The following CPB2 variants were observed in gnomAD, a reference collection of about 807,000 sequenced individuals.
The protein encoded by CPB2 is carboxypeptidase B2, also known as carboxypeptidase B-like protein.
CPB2 carries 54 observed loss-of-function variants against 57.0 expected under a neutral mutation model. The ratio of observed to expected loss-of-function variants is 0.95; its 90% CI spans 0.76 to 1.19. The LOEUF (loss-of-function observed/expected upper bound fraction) is 1.19, where lower values mean the gene tolerates loss of function less well. CPB2 is among the 50% of genes most tolerant of loss of function. CPB2 has a pLI of 0.00. For synonymous variants in CPB2, 189 were observed against 178.1 expected (o/e 1.06, Z -0.49); for missense variants, 426 against 512.0 (o/e 0.83, Z 1.62).
intron 7 of CPB2, among the ~76,000 whole-genome samples, chr13:46,066,565 C>T (rs1025286916): frequency 3.3e-5 from 5 of 152,122 alleles, no homozygotes; most frequent in Admixed American, 1.3e-4. Flanking sequence ...AGTTAGGAGG[C>T]CGGGCGAGGT....
intron 1 of CPB2, among the ~76,000 whole-genome samples, chr13:46,088,573 A>C (rs973521194): frequency 1.3e-5 from 2 of 152,230 alleles, no homozygotes; most frequent in Non-Finnish European, 2.9e-5. Flanking sequence ...TTCATAGGAT[A>C]GTGTCATATC....
At chr13:46,055,961 A>C in intron 9 of CPB2, 112 bp from the exon 10 acceptor site, 1 of 535,196 alleles carries the variant, frequency 1.9e-6, no homozygotes, top group Non-Finnish European at 3.2e-6. Flanking sequence ...ACAGGTAGAA[A>C]ATCTAGATTC....
At chr13:46,054,117 C>T (rs1478650124) in intron 10 of CPB2, among the ~76,000 whole-genome samples, 2 of 152,152 alleles carry the variant, frequency 1.3e-5, no homozygotes, top group South Asian at 2.1e-4. Context: ...TGCCCATTTC[C>T]CCTTCCCATA....
intron 6 of CPB2, 25 bp downstream of exon 6, chr13:46,073,848 G>A: frequency 1.4e-6 from 2 of 1,446,998 alleles, no homozygotes. Flanking sequence ...TTGAGAAATA[G>A]GGTTAAGAGA....
intron 1 of CPB2, among the ~76,000 whole-genome samples, chr13:46,103,064 ACTT>A (rs1384716524): frequency 6.6e-6 from 1 of 152,274 alleles, no homozygotes; most frequent in East Asian, 1.9e-4. Context: ...ATTGTTGGCT[ACTT>A]CTTCTATTTG....
chr13:46,091,406 A>C (rs2045290859), intron 1 of CPB2, among the ~76,000 whole-genome samples: 1 of 152,194 alleles, frequency 6.6e-6, no homozygotes, highest in Non-Finnish European at 1.5e-5. Flanking sequence ...TACAACATTG[A>C]ATAGAAGTGG....
At chr13:46,091,575 G>A (rs570314276) in intron 1 of CPB2, among the ~76,000 whole-genome samples, 11 of 152,278 alleles carry the variant, frequency 7.2e-5, no homozygotes, top group Admixed American at 7.2e-4. Flanking sequence ...GATTTTAAAT[G>A]CTTTCTATAA....
intron 5 of CPB2, among the ~76,000 whole-genome samples, chr13:46,074,434 T>A (rs953627048): frequency 1.1e-4 from 16 of 150,208 alleles, no homozygotes; most frequent in Non-Finnish European, 1.8e-4. Context: ...ATTTTTTTTT[T>A]ATGTGGATTA....
At chr13:46,091,336 A>G (rs1246137495) in intron 1 of CPB2, among the ~76,000 whole-genome samples, 1 of 152,156 alleles carries the variant, frequency 6.6e-6, no homozygotes, top group Non-Finnish European at 1.5e-5. Context: ...TTTAATTTCA[A>G]TGCTTATAGA....
intron 1 of CPB2, among the ~76,000 whole-genome samples, chr13:46,101,519 C>T (rs1039595380): frequency 4.6e-5 from 7 of 152,080 alleles, no homozygotes; most frequent in Non-Finnish European, 4.4e-5. Context: ...ACTTTCCATG[C>T]GAGAGCAGTG....
At chr13:46,102,552 A>AAC (rs1555312029) in intron 1 of CPB2, among the ~76,000 whole-genome samples, 3 of 148,802 alleles carry the variant, frequency 2.0e-5, no homozygotes, top group South Asian at 2.1e-4. Flanking sequence ...AAAAAAAAAA[A>AAC]AAAAACAAAG....
intron 5 of CPB2, among the ~76,000 whole-genome samples, chr13:46,078,402 T>C (rs887246636): frequency 1.3e-5 from 2 of 152,166 alleles, no homozygotes; most frequent in African/African-American, 4.8e-5. Flanking sequence ...TTTATGGAAA[T>C]GTTAAATGGC....
intron 1 of CPB2, among the ~76,000 whole-genome samples, chr13:46,102,940 C>T (rs1055747378): frequency 6.6e-6 from 1 of 152,076 alleles, no homozygotes; most frequent in Non-Finnish European, 1.5e-5. Context: ...GTCACATTCT[C>T]ATTCCTTTTT....
At chr13:46,095,876 CTTTTTTT>C (rs34686626) in intron 1 of CPB2, among the ~76,000 whole-genome samples, 6 of 85,746 alleles carry the variant, frequency 7.0e-5, no homozygotes, top group African/African-American at 3.0e-4. Context: ...GGCTATAGGA[CTTTTTTT>C]TTTTTTTTTT....
rs2045062904 is a variant in CPB2, at chr13:46,078,821, CT to C, written c.464del (p.Lys155SerfsTer7). ...ATACCTTTAAAACATAGAGTGGGTA[CT>C]TCTCAAATGAGGATCCAATGTGGAT... ...TKIHIGSSFE[K>X]YPLYVLKVSG... On this transcript the variant is annotated frameshift_variant, in exon 5 of 11. Coordinates refer to ENST00000181383, the MANE Select transcript of CPB2 (RefSeq NM_001872.5). LOFTEE classifies it high-confidence loss of function. The C allele has an allele frequency of 6.2e-7, 1 of 1,608,656 alleles. No homozygotes were observed. The highest frequency in any genetic ancestry group is 1.7e-5 in the Admixed American group (1 of 59,998).
chr13:46,088,783 T>C (rs2045247787), intron 1 of CPB2, among the ~76,000 whole-genome samples: 1 of 152,224 alleles, frequency 6.6e-6, no homozygotes. Context: ...TATTTGATTA[T>C]CGGCCATTCA....
intron 1 of CPB2, among the ~76,000 whole-genome samples, chr13:46,092,102 A>ATATCTATTTTAAATTATTTTAAAT (rs2045302020): frequency 6.6e-6 from 1 of 152,220 alleles, no homozygotes; most frequent in Non-Finnish European, 1.5e-5. Flanking sequence ...AAATATGACG[A>ATATCTATTTTAAATTATTTTAAAT]TAGATATATT....
At chr13:46,060,042 C>T (rs1299769502) in intron 8 of CPB2, among the ~76,000 whole-genome samples, 3 of 151,982 alleles carry the variant, frequency 2.0e-5, no homozygotes, top group African/African-American at 7.3e-5. Context: ...GTATGGAGGT[C>T]GGGGAAGACA....
intron 5 of CPB2, 137 bp downstream of exon 5, chr13:46,078,663 G>A (rs1239652929): frequency 3.1e-6 from 2 of 644,074 alleles, no homozygotes; most frequent in African/African-American, 1.8e-5. Flanking sequence ...AAATAGCCAG[G>A]TATTAAAGTT....
Sources: gnomAD v4.1 joint callset for allele counts (sites outside exome capture counted in the v4.1 genomes callset) on GRCh38, gnomAD v4.1.1 for gene constraint, MANE v1.5 for transcripts, NCBI Gene and HGNC (gene_info 2026-07-23, HGNC 2026-07-21) for gene names.